AHR: variants seen among roughly 807,000 people sequenced by gnomAD.
The protein encoded by AHR is aryl hydrocarbon receptor, also known as AH-receptor.
AHR carries 40 observed loss-of-function variants against 86.8 expected under a neutral mutation model. The ratio of observed to expected loss-of-function variants is 0.46; its 90% confidence interval spans 0.36 to 0.60. The LOEUF is 0.60. Ranked by LOEUF, AHR falls within the 20% of genes least tolerant of loss-of-function variation. AHR has a pLI of 0.00. For synonymous variants in AHR, 398 were observed against 354.9 expected (o/e 1.12, Z -1.37); for missense variants, 1,001 against 1,011.6 (o/e 0.99, Z 0.14).
chr7:17,319,297 C>T (rs961709103), intron 2 of AHR, among the ~76,000 whole-genome samples: 2 of 151,976 alleles, frequency 1.3e-5, no homozygotes, highest in African/African-American at 4.8e-5. Context: ...TTTTAATCCT[C>T]ACAAGAATTT....
chr7:17,329,735 A>C, intron 4 of AHR: 1 of 338,744 alleles, frequency 3.0e-6, no homozygotes, highest in Non-Finnish European at 5.4e-6. Context: ...TTGGGAACTG[A>C]TGACAAGTAA....
rs538800381 is a variant in AHR, at chr7:17,298,884, G to T, written c.-381G>T. 4.3e-5 allele frequency: 17 copies of T among 398,616 alleles called. No homozygotes were observed. In the East Asian group the frequency reaches 6.1e-4, roughly 14 times the overall value. 24.7% of individuals were successfully genotyped at this position (398,616 alleles called of 1,614,324 possible). A position where few individuals can be genotyped will look rare whatever the true frequency, so the allele number is the denominator to read the frequency against. Reference sequence around the variant, plus strand: ...GACGGTCACGGGGCGCGGCGCCACCGTGAGCGACCCAGGCCAGGATTCTAA... The same window carrying T: ...GACGGTCACGGGGCGCGGCGCCACCTTGAGCGACCCAGGCCAGGATTCTAA... On this transcript the variant is annotated 5_prime_UTR_variant, in exon 1 of 11. Transcript: ENST00000242057.
intron 9 of AHR, 133 bp from the exon 10 acceptor site, chr7:17,338,853 G>A: frequency 1.2e-6 from 1 of 861,146 alleles, no homozygotes; most frequent in Admixed American, 3.3e-5. Context: ...AATAATTGAG[G>A]TGAAAATAAA....
chr7:17,302,242 G>T (rs1216877682), intron 1 of AHR, among the ~76,000 whole-genome samples: 1 of 152,002 alleles, frequency 6.6e-6, no homozygotes, highest in Admixed American at 6.6e-5. Flanking sequence ...ACCAGCTGTA[G>T]TGGTGATTAA....
At chr7:17,310,766 C>T (rs947428316) in intron 2 of AHR, among the ~76,000 whole-genome samples, 8 of 152,094 alleles carry the variant, frequency 5.3e-5, no homozygotes, top group African/African-American at 1.7e-4. Context: ...AAACTCCTGA[C>T]CTCAGGTGAT....
chr7:17,320,539 G>A (rs879552234), intron 2 of AHR, among the ~76,000 whole-genome samples: 8 of 152,084 alleles, frequency 5.3e-5, no homozygotes, highest in Admixed American at 1.3e-4. Context: ...ATTTCATAAT[G>A]TAAGGGTTTG....
chr7:17,333,890 T>A, intron 6 of AHR, 22 bp from the exon 7 acceptor site: 1 of 1,597,646 alleles, frequency 6.3e-7, no homozygotes, highest in South Asian at 1.1e-5. Context: ...ATGAACTTTT[T>A]TGTTGTTGTT....
At chr7:17,322,159 G>A (rs2115359198) in intron 2 of AHR, among the ~76,000 whole-genome samples, 1 of 152,162 alleles carries the variant, frequency 6.6e-6, no homozygotes, top group East Asian at 1.9e-4. Flanking sequence ...GGAGGTAGGA[G>A]TGGAGAGGAG....
chr7:17,335,867 C>T, intron 9 of AHR, 81 bp downstream of exon 9: 3 of 1,402,778 alleles, frequency 2.1e-6, no homozygotes, highest in Non-Finnish European at 2.9e-6. Context: ...ATAATTCAAG[C>T]AGACTTTAGT....
intron 1 of AHR, among the ~76,000 whole-genome samples, chr7:17,301,914 A>G (rs2106729): frequency 7.7e-4 from 117 of 152,062 alleles, no homozygotes; most frequent in African/African-American, 2.8e-3. Flanking sequence ...AGAATCTACT[A>G]TAACTTTGCT....
intron 2 of AHR, among the ~76,000 whole-genome samples, chr7:17,312,595 ATCTT>A (rs1227972043): frequency 6.6e-6 from 1 of 152,216 alleles, no homozygotes; most frequent in Non-Finnish European, 1.5e-5. Flanking sequence ...CTCACAGTCT[ATCTT>A]ATAAAGCATG....
chr7:17,308,394 C>T (rs1219156448), intron 1 of AHR, among the ~76,000 whole-genome samples: 1 of 152,018 alleles, frequency 6.6e-6, no homozygotes, highest in African/African-American at 2.4e-5. Flanking sequence ...TCCCATAACA[C>T]TTTTTGAATA....
chr7:17,320,704 G>A (rs1418920156), intron 2 of AHR, among the ~76,000 whole-genome samples: 1 of 152,042 alleles, frequency 6.6e-6, no homozygotes, highest in Non-Finnish European at 1.5e-5. Flanking sequence ...ATAACTTACC[G>A]AATAGAAAGG....
At chr7:17,301,975 C>T (rs569491956) in intron 1 of AHR, among the ~76,000 whole-genome samples, 1 of 151,802 alleles carries the variant, frequency 6.6e-6, no homozygotes, top group Admixed American at 6.5e-5. Flanking sequence ...GAGAACAAAT[C>T]CTGTGTTTAT....
At chr7:17,334,682 T>A (rs1782336295) in intron 7 of AHR, among the ~76,000 whole-genome samples, 1 of 151,900 alleles carries the variant, frequency 6.6e-6, no homozygotes, top group African/African-American at 2.4e-5. Context: ...GAAAAGAAAA[T>A]AGGCTGAAAC....
chr7:17,311,864 C>G (rs79039194), intron 2 of AHR, among the ~76,000 whole-genome samples: 267 of 152,214 alleles, frequency 1.8e-3, no homozygotes, highest in Admixed American at 6.0e-3. Context: ...ATTGTTTTTC[C>G]TGACCAAATA....
At chr7:17,308,487 G>A (rs1782027912) in intron 1 of AHR, among the ~76,000 whole-genome samples, 1 of 152,020 alleles carries the variant, frequency 6.6e-6, no homozygotes, top group Non-Finnish European at 1.5e-5. Flanking sequence ...TAATTAACCA[G>A]TAGAGAATTA....
Position 17,330,752 on chromosome 7 carries a change from A to G in AHR, c.575-4A>G, listed in dbSNP as rs1179454180. On this transcript the variant is annotated splice_polypyrimidine_tract_variant and splice_region_variant and intron_variant, in intron 5 of 10. Transcript: ENST00000242057. ...TAAATTTTGTTTTGCCTTTATTTCT[A>G]CAGAAGCCACTGGTCTCCCCCAGAC... 6 of 1,557,264 alleles carry G rather than the reference A, an allele frequency of 3.9e-6. No individual in the cohort carries two copies. The highest frequency in any genetic ancestry group is 1.9e-5 in the Admixed American group (1 of 52,968).
chr7:17,333,755 T>C (rs1782325487), intron 6 of AHR, among the ~76,000 whole-genome samples, 157 bp from the exon 7 acceptor site: 1 of 151,886 alleles, frequency 6.6e-6, no homozygotes, highest in African/African-American at 2.4e-5. Flanking sequence ...GGGCGTCCCA[T>C]GGAGAGAGGA....
Sources: allele counts gnomAD v4.1 joint callset (sites outside exome capture counted in the v4.1 genomes callset), GRCh38; gene constraint gnomAD v4.1.1; transcripts MANE v1.5; gene names NCBI Gene and HGNC (gene_info 2026-07-23, HGNC 2026-07-21).